The following AGBL4 variants were observed in gnomAD, a reference collection of about 807,000 sequenced individuals.
AGBL4 encodes AGBL carboxypeptidase 4.
AGBL4 carries 58 observed loss-of-function variants against 66.4 expected under a neutral mutation model. The observed-to-expected ratio is 0.87, with a 90% CI of 0.71 to 1.09. AGBL4 has a LOEUF of 1.09. Ranked by LOEUF, AGBL4 falls within the 50% of genes least tolerant of loss-of-function variation. The pLI, the probability that AGBL4 is intolerant of heterozygous loss-of-function variation, is 0.00. For synonymous variants in AGBL4, 234 were observed against 222.9 expected (o/e 1.05, Z -0.44); for missense variants, 579 against 631.0 (o/e 0.92, Z 0.88).
chr1:49,517,509 T>G (rs1202205009), intron 3 of AGBL4, among the ~76,000 whole-genome samples: 1 of 151,932 alleles, frequency 6.6e-6, no homozygotes, highest in African/African-American at 2.4e-5. Flanking sequence ...CAGAGAAGCA[T>G]GAAGACAAAG....
chr1:48,873,140 A>G (rs74076727), intron 5 of AGBL4, among the ~76,000 whole-genome samples: 2,762 of 152,242 alleles, frequency 0.018, 88 homozygotes, highest in African/African-American at 0.062. Flanking sequence ...GGATTCCTAT[A>G]AGACAAAATC....
At chr1:48,653,298 A>G (rs1418682427) in intron 8 of AGBL4, 39 bp downstream of exon 8, 4 of 1,468,644 alleles carry the variant, frequency 2.7e-6, no homozygotes, top group Non-Finnish European at 3.7e-6. Flanking sequence ...CTACCATCCT[A>G]TAAGTACTTG....
At chr1:49,777,820 G>A (rs1417676891) in intron 2 of AGBL4, among the ~76,000 whole-genome samples, 1 of 151,920 alleles carries the variant, frequency 6.6e-6, no homozygotes, top group Non-Finnish European at 1.5e-5. Context: ...TAATTTAACT[G>A]GTAAAAAAAT....
chr1:49,017,349 A>G (rs907064727), intron 5 of AGBL4, among the ~76,000 whole-genome samples: 2 of 152,210 alleles, frequency 1.3e-5, no homozygotes, highest in Non-Finnish European at 2.9e-5. Context: ...TAGTGGTATG[A>G]CAGTAGAACC....
intron 3 of AGBL4, among the ~76,000 whole-genome samples, chr1:49,295,189 T>C (rs1376734731): frequency 1.3e-5 from 2 of 152,214 alleles, no homozygotes; most frequent in African/African-American, 4.8e-5. Flanking sequence ...ACCTTGTACA[T>C]ACTACAGTGT....
chr1:49,145,353 GAA>G (rs1257043038), intron 4 of AGBL4, among the ~76,000 whole-genome samples: 1 of 152,104 alleles, frequency 6.6e-6, no homozygotes, highest in Non-Finnish European at 1.5e-5. Flanking sequence ...TGTTGAACTT[GAA>G]AAGTTTCCCA....
intron 6 of AGBL4, among the ~76,000 whole-genome samples, chr1:48,737,198 C>T (rs1325256595): frequency 2.0e-5 from 3 of 152,086 alleles, no homozygotes; most frequent in Admixed American, 6.5e-5. Context: ...GCAAGAGAAT[C>T]GCTTGAACCT....
At chr1:49,434,539 A>G (rs1446767815) in intron 3 of AGBL4, among the ~76,000 whole-genome samples, 1 of 152,184 alleles carries the variant, frequency 6.6e-6, no homozygotes, top group Non-Finnish European at 1.5e-5. Context: ...TGCTCTGCAT[A>G]AAAACATGAA....
At chr1:49,534,106 C>T (rs1651368021) in intron 3 of AGBL4, among the ~76,000 whole-genome samples, 1 of 136,582 alleles carries the variant, frequency 7.3e-6, no homozygotes, top group African/African-American at 2.7e-5. Context: ...TTTCTATTCC[C>T]TTGCATGTGT....
At chr1:49,504,612 A>G (rs1648508426) in intron 3 of AGBL4, among the ~76,000 whole-genome samples, 1 of 151,894 alleles carries the variant, frequency 6.6e-6, no homozygotes, top group Non-Finnish European at 1.5e-5. Context: ...GTCTATTTTT[A>G]TAGTTTTGAA....
chr1:49,473,571 A>T (rs146768353), intron 3 of AGBL4, among the ~76,000 whole-genome samples: 1 of 152,078 alleles, frequency 6.6e-6, no homozygotes, highest in African/African-American at 2.4e-5. Flanking sequence ...AATTTTTCTT[A>T]TTCTGTAGGT....
chr1:48,634,403 G>T (rs1645635846), intron 9 of AGBL4, 90 bp downstream of exon 9: 3 of 1,066,804 alleles, frequency 2.8e-6, no homozygotes, highest in Admixed American at 2.2e-5. Flanking sequence ...TTCCTAATTT[G>T]CAGCTTCTAG....
At chr1:49,259,996 A>T (rs1036752563) in intron 3 of AGBL4, among the ~76,000 whole-genome samples, 8 of 152,130 alleles carry the variant, frequency 5.3e-5, no homozygotes, top group African/African-American at 1.9e-4. Flanking sequence ...ACTCAGGATT[A>T]AGAAACTCAC....
chr1:49,387,161 T>A (rs1437969669), intron 3 of AGBL4, among the ~76,000 whole-genome samples: 3 of 151,936 alleles, frequency 2.0e-5, no homozygotes, highest in Non-Finnish European at 4.4e-5. Flanking sequence ...CAAGTTTCAG[T>A]TTTCTTGTGT....
At chr1:49,032,082 C>G (rs1471081344) in intron 5 of AGBL4, among the ~76,000 whole-genome samples, 20 of 152,000 alleles carry the variant, frequency 1.3e-4, no homozygotes. Context: ...AATGTGTATA[C>G]AAGTTAGGGA....
chr1:49,700,773 C>T (rs938770399), intron 2 of AGBL4, among the ~76,000 whole-genome samples: 1 of 151,918 alleles, frequency 6.6e-6, no homozygotes, highest in African/African-American at 2.4e-5. Flanking sequence ...TATAACCATA[C>T]ATGCACATAC....
At chr1:48,666,392 A>T (rs1646188174) in intron 6 of AGBL4, among the ~76,000 whole-genome samples, 1 of 152,172 alleles carries the variant, frequency 6.6e-6, no homozygotes, top group Non-Finnish European at 1.5e-5. Context: ...AGAACAACTA[A>T]AGAGCTCATG....
At chr1:49,690,585 T>C (rs1646867435) in intron 3 of AGBL4, among the ~76,000 whole-genome samples, 1 of 152,156 alleles carries the variant, frequency 6.6e-6, no homozygotes, top group African/African-American at 2.4e-5. Flanking sequence ...ATACTAATAA[T>C]GGTACTTACT....
At chr1:49,352,637 A>G (rs1643935021) in intron 3 of AGBL4, among the ~76,000 whole-genome samples, 1 of 152,122 alleles carries the variant, frequency 6.6e-6, no homozygotes, top group Admixed American at 6.5e-5. Flanking sequence ...CAGTGGCTTG[A>G]TCTAGGGCTG....
Sources: gnomAD v4.1 joint callset for allele counts (sites outside exome capture counted in the v4.1 genomes callset) on GRCh38, gnomAD v4.1.1 for gene constraint, MANE v1.5 for transcripts, NCBI Gene and HGNC (gene_info 2026-07-23, HGNC 2026-07-21) for gene names.